PPARGC1B: variants seen among roughly 807,000 people sequenced by gnomAD.
PPARGC1B encodes PPARG coactivator 1 beta.
PPARGC1B carries 34 observed loss-of-function variants against 101.6 expected under a neutral mutation model. That is an observed-to-expected ratio of 0.33 (90% CI 0.25 to 0.45). PPARGC1B has a LOEUF of 0.45. Ranked by LOEUF, PPARGC1B falls within the 20% of genes least tolerant of loss-of-function variation. The pLI, the probability that PPARGC1B is intolerant of heterozygous loss-of-function variation, is 1.00. For missense variants in PPARGC1B, 1,234 were observed against 1,317.6 expected (o/e 0.94, Z 0.98); for synonymous variants, 548 against 539.3 (o/e 1.02, Z -0.22).
intron 1 of PPARGC1B, among the ~76,000 whole-genome samples, chr5:149,763,538 T>TC (rs1755792814): frequency 7.1e-6 from 1 of 141,340 alleles, no homozygotes; most frequent in African/African-American, 2.6e-5. Context: ...TTTTTTTTTT[T>TC]TTTTTTTTTT....
intron 1 of PPARGC1B, among the ~76,000 whole-genome samples, chr5:149,798,259 C>T (rs375180905): frequency 1.6e-4 from 24 of 152,170 alleles, no homozygotes; most frequent in African/African-American, 4.3e-4. Context: ...GAATAGAGTC[C>T]GCACCACAAA....
intron 1 of PPARGC1B, among the ~76,000 whole-genome samples, chr5:149,744,552 A>G (rs898928582): frequency 2.0e-5 from 3 of 152,218 alleles, no homozygotes; most frequent in Non-Finnish European, 2.9e-5. Flanking sequence ...CGAGAAAGCA[A>G]GAAAGTGTGA....
chr5:149,786,734 A>G (rs1490088083), intron 1 of PPARGC1B, among the ~76,000 whole-genome samples: 2 of 152,266 alleles, frequency 1.3e-5, no homozygotes, highest in African/African-American at 4.8e-5. Context: ...TAGAAAAGAC[A>G]GACTTCAGAG....
Position 149,730,391 on chromosome 5 carries a change from T to G in PPARGC1B, c.49T>G (p.Phe17Val), listed in dbSNP as rs1754405542. The G allele has an allele frequency of 6.4e-7, 1 of 1,574,088 alleles. No individual in the cohort carries two copies. Among genetic ancestry groups the G allele is most frequent in the African/African-American group, 1.4e-5 (1 of 71,706 alleles). Residue 17 changes from phenylalanine (F) to valine (V), a missense_variant, in exon 1 of 12, where the codon TTC becomes GTC. By Grantham distance (50) the Phe-to-Val change is conservative (BLOSUM62 -1). Around this residue, in one of 3 missense-constraint regions of PPARGC1B, gnomAD observed 734 missense variants for 768.4 expected, o/e 0.96. Coordinates refer to ENST00000309241, the MANE Select transcript of PPARGC1B (RefSeq NM_133263.4). This position sits in a 1 kb window ranked among gnomAD's most constrained non-coding sequence, Gnocchi z 4.0. ...GALLDEELSS[F>V]FLNYLADTQG... ...GCTGCTGGACGAAGAGCTCTCCTCCTTCTTCCTCAACTATCTCGCTGACAC... is the reference window on the plus strand; with the variant it reads ...GCTGCTGGACGAAGAGCTCTCCTCCGTCTTCCTCAACTATCTCGCTGACAC...
intron 1 of PPARGC1B, among the ~76,000 whole-genome samples, chr5:149,736,364 A>G (rs1433641723): frequency 2.7e-5 from 4 of 150,344 alleles, no homozygotes; most frequent in Non-Finnish European, 2.9e-5. Context: ...TCATGCATGC[A>G]ATCTTTTTTT....
In PPARGC1B at chr5:149,853,544, A is replaced by G. The variant is rs936904310; in HGVS notation, c.*5986A>G. On this transcript the variant is annotated 3_prime_UTR_variant, in exon 12 of 12. Transcript: ENST00000309241. The surrounding 1 kb of genome is among the most constrained non-coding windows in gnomAD (Gnocchi z 4.2). ...AGTAAACCTTTGCTGGGTGGTCCGA[A>G]TTCTGCCCTCAAGGCAAGATAAGAA... 6.6e-6 allele frequency: 1 copy of G among 152,244 alleles called. No homozygotes were observed. The highest frequency in any genetic ancestry group is 1.5e-5 in the Non-Finnish European group (1 of 68,052). 9.4% of individuals were successfully genotyped at this position (152,244 alleles called of 1,614,324 possible).
At chr5:149,786,305 A>G (rs6898291) in intron 1 of PPARGC1B, among the ~76,000 whole-genome samples, 10,576 of 152,244 alleles carry the variant, frequency 0.069, 460 homozygotes, top group Non-Finnish European at 0.096. Flanking sequence ...CACGTTGGCC[A>G]GGCTGGTCTT....
At chr5:149,808,169 A>T (rs1054976852) in intron 1 of PPARGC1B, among the ~76,000 whole-genome samples, 3 of 152,208 alleles carry the variant, frequency 2.0e-5, no homozygotes, top group Non-Finnish European at 4.4e-5. Context: ...TATTTTGTTA[A>T]TCTTGGGTGG....
chr5:149,762,375 G>C (rs775567328), intron 1 of PPARGC1B, among the ~76,000 whole-genome samples: 7 of 152,112 alleles, frequency 4.6e-5, no homozygotes, highest in Non-Finnish European at 1.0e-4. Context: ...TCAAACTCCT[G>C]ACCTCAAGTG....
At chr5:149,810,045 A>C (rs963786636) in intron 1 of PPARGC1B, among the ~76,000 whole-genome samples, 2 of 152,184 alleles carry the variant, frequency 1.3e-5, no homozygotes, top group Non-Finnish European at 2.9e-5. Context: ...GCTGGTCTTG[A>C]GAGATGCGGA....
downstream of PPARGC1B, among the ~76,000 whole-genome samples, chr5:149,856,119 A>G (rs983105965): frequency 1.3e-5 from 2 of 152,236 alleles, no homozygotes; most frequent in African/African-American, 4.8e-5. Flanking sequence ...CTCAAAATAA[A>G]TAAATAAAAT....
At chr5:149,739,467 C>T (rs986081378) in intron 1 of PPARGC1B, among the ~76,000 whole-genome samples, 1 of 152,210 alleles carries the variant, frequency 6.6e-6, no homozygotes, top group African/African-American at 2.4e-5. Flanking sequence ...GCTCCCTCTC[C>T]TTCCAGGCTT....
intron 1 of PPARGC1B, among the ~76,000 whole-genome samples, chr5:149,806,870 G>T (rs1757620925): frequency 6.6e-6 from 1 of 152,010 alleles, no homozygotes; most frequent in South Asian, 2.1e-4. Context: ...GCCTCGTAAA[G>T]TGCTGGAATT....
intron 3 of PPARGC1B, among the ~76,000 whole-genome samples, chr5:149,827,982 G>A (rs905732905): frequency 1.3e-5 from 2 of 152,184 alleles, no homozygotes; most frequent in Non-Finnish European, 2.9e-5. Flanking sequence ...TTGGAGCCGG[G>A]AGGGTTCTTA....
At chr5:149,783,810 G>T (rs1370625690) in intron 1 of PPARGC1B, among the ~76,000 whole-genome samples, 1 of 152,166 alleles carries the variant, frequency 6.6e-6, no homozygotes, top group African/African-American at 2.4e-5. Flanking sequence ...GCAGAGGAGA[G>T]GTAGTTGTGT....
intron 1 of PPARGC1B, among the ~76,000 whole-genome samples, chr5:149,731,177 C>T (rs1307276100): frequency 6.6e-6 from 1 of 152,102 alleles, no homozygotes; most frequent in Non-Finnish European, 1.5e-5. Context: ...CAGGCACTGG[C>T]TGAGCCCGGG....
At chr5:149,811,284 G>A (rs915087611) in intron 1 of PPARGC1B, among the ~76,000 whole-genome samples, 11 of 152,194 alleles carry the variant, frequency 7.2e-5, no homozygotes, top group African/African-American at 2.7e-4. Flanking sequence ...AGCAGTCTGA[G>A]TGCTGAATCT....
rs139645123 is a variant in PPARGC1B, at chr5:149,841,114, A to G, written c.2694+998A>G. On this transcript the variant is annotated intron_variant, in intron 9 of 11. Coordinates refer to ENST00000309241, the MANE Select transcript of PPARGC1B (RefSeq NM_133263.4). ...AAACAAAGGAATAAACAATGTAATT[A>G]CAGATTGGGATAAGCACTGTGAAAT... 4.4e-3 allele frequency among the ~76,000 whole-genome samples: 676 copies of G among 152,362 alleles called. 4 individuals carry two copies. Among genetic ancestry groups the G allele is most frequent in the African/African-American group, 0.016 (645 of 41,582 alleles).
In PPARGC1B at chr5:149,814,791, C is replaced by G. The variant is rs186315487; in HGVS notation, c.79-5642C>G. On this transcript the variant is annotated intron_variant, in intron 1 of 11. Coordinates refer to ENST00000309241, the MANE Select transcript of PPARGC1B (RefSeq NM_133263.4). ...TGGAGGAAACCCCATTAATCCACGG[C>G]CAGGGTTATTTATCTCCCTGGCTTG... Among the ~76,000 whole-genome samples, 292 of 152,334 alleles carry G rather than the reference C, an allele frequency of 1.9e-3. 1 individual carries two copies. The highest frequency in any genetic ancestry group is 6.7e-3 in the African/African-American group (279 of 41,574).
Sources: gnomAD v4.1 joint callset for allele counts (sites outside exome capture counted in the v4.1 genomes callset) on GRCh38, gnomAD v4.1.1 for gene constraint, gnomAD v4.1.1 regional missense constraint, Gnocchi (gnomAD v3.1) non-coding constraint, MANE v1.5 for transcripts, NCBI Gene and HGNC (gene_info 2026-07-23, HGNC 2026-07-21) for gene names.